The following NPR3 variants were observed in gnomAD, a reference collection of about 807,000 sequenced individuals.
NPR3 encodes the protein atrial natriuretic peptide receptor 3.
A neutral mutation model predicts 54.5 loss-of-function variants in NPR3; 34 were observed. The observed-to-expected ratio is 0.62, with a 90% CI of 0.47 to 0.83. The LOEUF (loss-of-function observed/expected upper bound fraction) is 0.83. NPR3 is among the 40% of genes least tolerant of loss of function. The pLI, the probability that NPR3 is intolerant of heterozygous loss-of-function variation, is 0.00. For missense variants in NPR3, 674 were observed against 720.8 expected (o/e 0.94, Z 0.74); for synonymous variants, 289 against 297.1 (o/e 0.97, Z 0.28).
At chr5:32,723,974 C>G (rs1739003310) in intron 1 of NPR3, among the ~76,000 whole-genome samples, 2 of 152,092 alleles carry the variant, frequency 1.3e-5, no homozygotes, top group South Asian at 2.1e-4. Flanking sequence ...TATACATACA[C>G]ACACAGATAA....
At chr5:32,775,426 C>G (rs1741994485) in intron 4 of NPR3, among the ~76,000 whole-genome samples, 1 of 151,884 alleles carries the variant, frequency 6.6e-6, no homozygotes, top group South Asian at 2.1e-4. Context: ...TCCTGAGTAG[C>G]AGGGATTACA....
chr5:32,757,094 T>G (rs1377589341), intron 3 of NPR3, among the ~76,000 whole-genome samples: 1 of 152,236 alleles, frequency 6.6e-6, no homozygotes, highest in East Asian at 1.9e-4. Flanking sequence ...CCAGCTTTTT[T>G]CTGGTTCCAT....
chr5:32,715,749 T>C (rs983796038), intron 1 of NPR3, among the ~76,000 whole-genome samples: 1 of 152,248 alleles, frequency 6.6e-6, no homozygotes, highest in Non-Finnish European at 1.5e-5. Context: ...AGTAGTTGTT[T>C]TGTCGATGCA....
At chr5:32,745,813 A>AT (rs1419726520) in intron 3 of NPR3, among the ~76,000 whole-genome samples, 1 of 151,980 alleles carries the variant, frequency 6.6e-6, no homozygotes, top group Non-Finnish European at 1.5e-5. Context: ...TGGTTTTCCT[A>AT]TTTTTTTCTG....
intron 2 of NPR3, among the ~76,000 whole-genome samples, chr5:32,735,953 G>C (rs1739716036): frequency 2.0e-5 from 3 of 152,124 alleles, no homozygotes; most frequent in Admixed American, 2.0e-4. Flanking sequence ...ACTCCAGGCT[G>C]AGCTCGGTGG....
chr5:32,743,579 A>G (rs1225022617), intron 3 of NPR3, among the ~76,000 whole-genome samples: 1 of 152,212 alleles, frequency 6.6e-6, no homozygotes, highest in East Asian at 1.9e-4. Flanking sequence ...CACTCCTAGA[A>G]TAACTCAGGA....
At chr5:32,758,446 A>T (rs1740970400) in intron 3 of NPR3, among the ~76,000 whole-genome samples, 1 of 151,986 alleles carries the variant, frequency 6.6e-6, no homozygotes, top group African/African-American at 2.4e-5. Flanking sequence ...ATCGGTGGTG[A>T]TATCCCCTTT....
rs1039106667 is a variant in NPR3, at chr5:32,765,768, G to A, written c.1060-8940G>A. On this transcript the variant is annotated intron_variant, in intron 3 of 7. Transcript: ENST00000265074. ...TCACATAAGGTTGATCTCTGTGTCC[G>A]TAGGGGTCTTTGGAGGATACAGATG... Among the ~76,000 whole-genome samples the A allele has an allele frequency of 4.6e-5, 7 of 152,308 alleles. No individual in the cohort carries two copies. The East Asian group carries it at 7.7e-4, about 17-fold the overall frequency.
chr5:32,758,550 C>G (rs1312997891), intron 3 of NPR3, among the ~76,000 whole-genome samples: 1 of 151,412 alleles, frequency 6.6e-6, no homozygotes, highest in East Asian at 1.9e-4. Flanking sequence ...TGTCAAAAAA[C>G]TAGCTCCTGG....
chr5:32,732,220 C>T (rs1275567885), intron 2 of NPR3, among the ~76,000 whole-genome samples: 2 of 136,016 alleles, frequency 1.5e-5, no homozygotes, highest in African/African-American at 5.7e-5. Context: ...CGCAGTCCGG[C>T]CTGGGCGACA....
At chr5:32,709,259 A>C (rs1738088544), upstream of NPR3, 2 of 152,096 alleles carry the variant, frequency 1.3e-5, no homozygotes, top group African/African-American at 4.8e-5. Context: ...ACTGGTTCCT[A>C]CCACTGTGGC....
Position 32,789,659 on chromosome 5 carries a change from C to T in NPR3, c.*3314C>T, listed in dbSNP as rs1742808581. The T allele has an allele frequency of 5.6e-6, 3 of 534,628 alleles. No individual in the cohort carries two copies. Among genetic ancestry groups the T allele is most frequent in the African/African-American group, 3.8e-5 (2 of 51,954 alleles). 33.1% of individuals were successfully genotyped at this position (534,628 alleles called of 1,614,324 possible). On this transcript the variant is annotated 3_prime_UTR_variant, in exon 8 of 8. Coordinates refer to ENST00000265074, the MANE Select transcript of NPR3 (RefSeq NM_001204375.2). ...TAAAATCATTAATTTACTCAAGGCA[C>T]ATGTGCCTTCTTTGCCCCAAATGCA...
chr5:32,708,814 G>A (rs1267168223), upstream of NPR3, among the ~76,000 whole-genome samples: 2 of 152,012 alleles, frequency 1.3e-5, no homozygotes, highest in Non-Finnish European at 2.9e-5. Context: ...ATAATCTTGT[G>A]ACTCTTTTCA....
chr5:32,774,003 A>G (rs758242880), intron 3 of NPR3, among the ~76,000 whole-genome samples: 3 of 152,246 alleles, frequency 2.0e-5, no homozygotes, highest in Non-Finnish European at 4.4e-5. Context: ...GGGCTAGCTT[A>G]CTTGAGTCAG....
chr5:32,709,022 G>T (rs1436922875), upstream of NPR3, among the ~76,000 whole-genome samples: 1 of 151,322 alleles, frequency 6.6e-6, no homozygotes, highest in Non-Finnish European at 1.5e-5. Context: ...GAGAGCTCTT[G>T]TCCAAAAGCT....
intron 2 of NPR3, among the ~76,000 whole-genome samples, chr5:32,737,605 G>T (rs1739816774): frequency 6.6e-6 from 1 of 152,104 alleles, no homozygotes; most frequent in African/African-American, 2.4e-5. Context: ...TGTATTTTCA[G>T]AGCTCTCCAG....
chr5:32,724,597 A>G lies in NPR3; in HGVS notation c.770-101A>G, dbSNP rs1024791203. On this transcript the variant is annotated intron_variant, in intron 1 of 7. Transcript: ENST00000265074. ...TTGTGAGGAGATACTTCAGGACCATATAAGTATCCCGTTCCTTGTCAGATG... is the reference window on the plus strand; with the variant it reads ...TTGTGAGGAGATACTTCAGGACCATGTAAGTATCCCGTTCCTTGTCAGATG... 4.0e-5 allele frequency: 55 copies of G among 1,372,478 alleles called. No individual in the cohort carries two copies. In the African/African-American group the frequency reaches 6.5e-4, roughly 16 times the overall value. The allele number at this position is 1,372,478 out of a possible 1,614,324, so 85.0% of individuals were successfully genotyped here.
At chr5:32,775,000 G>A (rs531394055) in intron 4 of NPR3, among the ~76,000 whole-genome samples, 157 bp downstream of exon 4, 2 of 152,290 alleles carry the variant, frequency 1.3e-5, no homozygotes, top group East Asian at 3.9e-4. Flanking sequence ...CCAATTAAAT[G>A]AGATAATACA....
At chr5:32,701,982 C>T (rs914364242) in intron 1 of NPR3, among the ~76,000 whole-genome samples, 4 of 152,186 alleles carry the variant, frequency 2.6e-5, no homozygotes, top group South Asian at 2.1e-4. Context: ...AGATCTGAAG[C>T]GAGCATAGCA....
Sources: allele counts gnomAD v4.1 joint callset (sites outside exome capture counted in the v4.1 genomes callset), GRCh38; gene constraint gnomAD v4.1.1; transcripts MANE v1.5; gene names NCBI Gene and HGNC (gene_info 2026-07-23, HGNC 2026-07-21).